Variants in RCAN2 observed in about 807,000 individuals in gnomAD.
The protein encoded by RCAN2 is regulator of calcineurin 2, also known as calcipressin-2.
In RCAN2, 9 loss-of-function variants were observed where a neutral mutation model predicts 23.6. The observed-to-expected ratio is 0.38, with a 90% CI of 0.23 to 0.67. RCAN2 has a LOEUF of 0.67. Ranked by LOEUF, RCAN2 falls within the 30% of genes least tolerant of loss-of-function variation. RCAN2 has a pLI of 0.51. For synonymous variants in RCAN2, 109 were observed against 115.7 expected (o/e 0.94, Z 0.37); for missense variants, 273 against 302.3 (o/e 0.90, Z 0.72).
chr6:46,467,006 C>T (rs1407548447), intron 1 of RCAN2, among the ~76,000 whole-genome samples: 1 of 152,186 alleles, frequency 6.6e-6, no homozygotes, highest in Non-Finnish European at 1.5e-5. Context: ...TCACTGCCTT[C>T]ATACCCCGCT....
chr6:46,425,710 A>C (rs2150414350), intron 2 of RCAN2, among the ~76,000 whole-genome samples: 1 of 152,196 alleles, frequency 6.6e-6, no homozygotes, highest in South Asian at 2.1e-4. Context: ...TTATGTGCCT[A>C]CTTACCTTAA....
intron 4 of RCAN2, among the ~76,000 whole-genome samples, chr6:46,232,254 C>T (rs1322910512): frequency 5.3e-5 from 8 of 152,234 alleles, no homozygotes; most frequent in Non-Finnish European, 1.0e-4. Context: ...CTGTATGTAT[C>T]GATGCTAAGT....
At chr6:46,241,143 C>T (rs1056386507) in intron 4 of RCAN2, among the ~76,000 whole-genome samples, 3 of 152,284 alleles carry the variant, frequency 2.0e-5, no homozygotes, top group South Asian at 4.1e-4. Flanking sequence ...GTTAGTGCCA[C>T]GTGCGTCTCT....
chr6:46,491,708 C>T (rs982859127), upstream of RCAN2, among the ~76,000 whole-genome samples: 127 of 151,176 alleles, frequency 8.4e-4, no homozygotes, highest in Non-Finnish European at 9.9e-4. Context: ...AGCCTCCGGG[C>T]ACCTGGCGTG....
intron 2 of RCAN2, among the ~76,000 whole-genome samples, chr6:46,367,053 A>ATATATATATATATATATATATC (rs1561877011): frequency 1.6e-5 from 2 of 126,372 alleles, no homozygotes; most frequent in Admixed American, 1.7e-4. Context: ...ATATATATAT[A>ATATATATATATATATATATATC]TCCTAGCTGA....
At chr6:46,229,742 T>C (rs183850092) in intron 4 of RCAN2, among the ~76,000 whole-genome samples, 459 of 152,216 alleles carry the variant, frequency 3.0e-3, no homozygotes, top group Admixed American at 5.3e-3. Context: ...GAGAAGTTTG[T>C]TCTTACCAAT....
At chr6:46,399,210 C>T (rs1766177132) in intron 2 of RCAN2, among the ~76,000 whole-genome samples, 1 of 151,958 alleles carries the variant, frequency 6.6e-6, no homozygotes, top group Non-Finnish European at 1.5e-5. Flanking sequence ...GGGACCAAAG[C>T]AGACATGTCT....
chr6:46,293,657 T>C (rs773215920), intron 2 of RCAN2, among the ~76,000 whole-genome samples: 1 of 152,170 alleles, frequency 6.6e-6, no homozygotes, highest in Non-Finnish European at 1.5e-5. Context: ...TGCTGGCCAT[T>C]AGGCCCTGGG....
At chr6:46,254,737 T>C (rs1302036997) in intron 2 of RCAN2, among the ~76,000 whole-genome samples, 1 of 152,072 alleles carries the variant, frequency 6.6e-6, no homozygotes, top group African/African-American at 2.4e-5. Context: ...GAACATGACC[T>C]TGTTTGGAAA....
intron 2 of RCAN2, among the ~76,000 whole-genome samples, chr6:46,365,711 G>C (rs1347200782): frequency 6.6e-6 from 1 of 152,050 alleles, no homozygotes; most frequent in Non-Finnish European, 1.5e-5. Flanking sequence ...TATACTTAAA[G>C]CTCAACATAT....
At chr6:46,461,101 A>G (rs547613306) in intron 1 of RCAN2, among the ~76,000 whole-genome samples, 1 of 152,216 alleles carries the variant, frequency 6.6e-6, no homozygotes, top group South Asian at 2.1e-4. Flanking sequence ...GAAGAAAATA[A>G]AAGTAAACCA....
At chr6:46,317,432 C>A (rs1008117843) in intron 2 of RCAN2, among the ~76,000 whole-genome samples, 1 of 152,012 alleles carries the variant, frequency 6.6e-6, no homozygotes, top group Non-Finnish European at 1.5e-5. Flanking sequence ...CAGCTTTATA[C>A]CCCAATAACT....
chr6:46,271,674 G>T (rs1287640692), intron 2 of RCAN2, among the ~76,000 whole-genome samples: 1 of 152,182 alleles, frequency 6.6e-6, no homozygotes, highest in Non-Finnish European at 1.5e-5. Flanking sequence ...TACTTGCAAA[G>T]CACTTGGCAC....
chr6:46,264,144 G>T (rs2150328534), intron 2 of RCAN2, among the ~76,000 whole-genome samples: 1 of 152,308 alleles, frequency 6.6e-6, no homozygotes, highest in African/African-American at 2.4e-5. Flanking sequence ...CAACATTGAG[G>T]TGGAGGCTCT....
chr6:46,429,720 A>T (rs1297395495), intron 2 of RCAN2, among the ~76,000 whole-genome samples: 2 of 152,166 alleles, frequency 1.3e-5, no homozygotes, highest in Non-Finnish European at 1.5e-5. Flanking sequence ...CTAGGGTCTA[A>T]TGTGAAGATG....
intron 4 of RCAN2, among the ~76,000 whole-genome samples, chr6:46,230,892 C>A (rs2150307622): frequency 6.6e-6 from 1 of 152,298 alleles, no homozygotes; most frequent in Non-Finnish European, 1.5e-5. Flanking sequence ...CATCTTGGAA[C>A]CTCTCTCCAA....
At chr6:46,395,552 T>G (rs1766063088) in intron 2 of RCAN2, among the ~76,000 whole-genome samples, 1 of 152,200 alleles carries the variant, frequency 6.6e-6, no homozygotes, top group Admixed American at 6.5e-5. Context: ...CAAGGCTAAT[T>G]TGTCAGATAC....
chr6:46,386,974 C>A (rs1325690123), intron 2 of RCAN2, among the ~76,000 whole-genome samples: 2 of 152,166 alleles, frequency 1.3e-5, no homozygotes, highest in Non-Finnish European at 2.9e-5. Context: ...TGATCTTTGA[C>A]AAACCTGACA....
intron 2 of RCAN2, among the ~76,000 whole-genome samples, chr6:46,339,569 T>G (rs1312120751): frequency 2.6e-5 from 4 of 152,116 alleles, no homozygotes; most frequent in African/African-American, 9.7e-5. Flanking sequence ...GCTAGACTAT[T>G]AAACAGTGGC....
Sources: allele counts gnomAD v4.1 joint callset (sites outside exome capture counted in the v4.1 genomes callset), GRCh38; gene constraint gnomAD v4.1.1; transcripts MANE v1.5; gene names NCBI Gene and HGNC (gene_info 2026-07-23, HGNC 2026-07-21).